ANKS1A: variants seen among roughly 807,000 people sequenced by gnomAD.
ANKS1A encodes ankyrin repeat and sterile alpha motif domain containing 1A.
In ANKS1A, 55 loss-of-function variants were observed where a neutral mutation model predicts 120.3. That is an observed-to-expected ratio of 0.46 (90% CI 0.37 to 0.57). The LOEUF (loss-of-function observed/expected upper bound fraction) is 0.57, where lower values mean the gene tolerates loss of function less well. Ranked by LOEUF, ANKS1A falls within the 20% of genes least tolerant of loss-of-function variation. ANKS1A has a pLI of 0.00. For synonymous variants in ANKS1A, 590 were observed against 604.7 expected (o/e 0.98, Z 0.36); for missense variants, 1,123 against 1,480.3 (o/e 0.76, Z 3.96).
At chr6:35,062,174 T>C (rs1260123513) in intron 13 of ANKS1A, among the ~76,000 whole-genome samples, 1 of 152,206 alleles carries the variant, frequency 6.6e-6, no homozygotes, top group Non-Finnish European at 1.5e-5. Flanking sequence ...AGGACCCTCA[T>C]TGAGGGCGGC....
rs1039994947 is a variant in ANKS1A, at chr6:35,050,425, G to T, written c.2011-3674G>T. Among the ~76,000 whole-genome samples, 4 of 152,116 alleles carry T rather than the reference G, an allele frequency of 2.6e-5. No homozygotes were observed. The highest frequency in any genetic ancestry group is 9.7e-5 in the African/African-American group (4 of 41,430). On this transcript the variant is annotated intron_variant, in intron 11 of 23. Transcript: ENST00000360359. This position sits in a 1 kb window ranked among gnomAD's most constrained non-coding sequence, Gnocchi z 4.3. Reference sequence around the variant, plus strand: ...CATCCAAAACCACAGAAAAAGAGGAGAACACTAAATGGTGCCCGTCCATTA... The same window carrying T: ...CATCCAAAACCACAGAAAAAGAGGATAACACTAAATGGTGCCCGTCCATTA...
chr6:34,891,920 C>T (rs374512303), intron 1 of ANKS1A, among the ~76,000 whole-genome samples: 2 of 152,338 alleles, frequency 1.3e-5, no homozygotes, highest in South Asian at 4.1e-4. Flanking sequence ...AGCCACCTTG[C>T]CCGGCCTCAG....
chr6:35,084,836 T>C lies in ANKS1A; in HGVS notation c.3132+578T>C, dbSNP rs1561968875. On this transcript the variant is annotated intron_variant, in intron 21 of 23. Coordinates refer to ENST00000360359, the MANE Select transcript of ANKS1A (RefSeq NM_015245.3). This position sits in a 1 kb window ranked among gnomAD's most constrained non-coding sequence, Gnocchi z 4.8. ...TGGATGCCACTGGGCCGAGGAGAGT[T>C]CATTCTCACACAGCTGCCCACAGGG... 1.3e-5 allele frequency among the ~76,000 whole-genome samples: 2 copies of C among 152,120 alleles called. No individual in the cohort carries two copies. The highest frequency in any genetic ancestry group is 2.4e-5 in the African/African-American group (1 of 41,424).
At chr6:35,040,382 C>T (rs1775396455) in intron 11 of ANKS1A, among the ~76,000 whole-genome samples, 1 of 152,238 alleles carries the variant, frequency 6.6e-6, no homozygotes, top group African/African-American at 2.4e-5. Flanking sequence ...GTCTTCCTTT[C>T]CTCCATTTCC....
At position 35,060,786 on chromosome 6, in the gene ANKS1A, C is replaced by G. The variant is rs550476890; in HGVS notation, c.2184+533C>G. ...GGATTGGTTGCTTCTTTGAGAAGCT[C>G]TCTCACAAAACACAAAGGGCCAAAA... On this transcript the variant is annotated intron_variant, in intron 13 of 23. Transcript: ENST00000360359. This position sits in a 1 kb window ranked among gnomAD's most constrained non-coding sequence, Gnocchi z 4.5. 2.0e-4 allele frequency among the ~76,000 whole-genome samples: 30 copies of G among 152,266 alleles called. No homozygotes were observed. The highest frequency in any genetic ancestry group is 7.2e-4 in the African/African-American group (30 of 41,536).
At chr6:34,969,929 T>C (rs919409919) in intron 2 of ANKS1A, 81 bp from the exon 3 acceptor site, 1 of 1,503,418 alleles carries the variant, frequency 6.7e-7, no homozygotes, top group Non-Finnish European at 9.0e-7. Context: ...TGAAAGGGCT[T>C]TGTGCCATAT....
intron 1 of ANKS1A, among the ~76,000 whole-genome samples, chr6:34,935,337 T>G (rs752799285): frequency 1.3e-5 from 2 of 152,204 alleles, no homozygotes; most frequent in Non-Finnish European, 2.9e-5. Flanking sequence ...TCCTTCCACC[T>G]CAGCCTCCCA....
At chr6:34,950,623 A>T (rs991105766) in intron 1 of ANKS1A, among the ~76,000 whole-genome samples, 2 of 152,170 alleles carry the variant, frequency 1.3e-5, no homozygotes, top group Non-Finnish European at 2.9e-5. Flanking sequence ...ATAGCCAAGG[A>T]GCAAGGTGAA....
intron 3 of ANKS1A, among the ~76,000 whole-genome samples, chr6:34,976,084 G>A (rs183998979): frequency 7.6e-6 from 1 of 131,986 alleles, no homozygotes; most frequent in East Asian, 2.2e-4. Flanking sequence ...GTTGCAGTGA[G>A]CCAAGGTTAC....
chr6:34,902,286 G>A (rs560466509), intron 1 of ANKS1A, among the ~76,000 whole-genome samples: 7 of 151,398 alleles, frequency 4.6e-5, no homozygotes, highest in Non-Finnish European at 8.8e-5. Context: ...TTTCGCTCTT[G>A]CTGCCCATGC....
intron 10 of ANKS1A, among the ~76,000 whole-genome samples, chr6:34,996,821 C>T (rs1274629914): frequency 6.6e-6 from 1 of 152,122 alleles, no homozygotes. Flanking sequence ...TTAGGTCTTA[C>T]ATTTAAATCT....
intron 1 of ANKS1A, among the ~76,000 whole-genome samples, chr6:34,916,245 G>A (rs981295602): frequency 2.0e-5 from 3 of 151,906 alleles, no homozygotes; most frequent in Non-Finnish European, 2.9e-5. Flanking sequence ...CATCTGCCTC[G>A]GCCTCCTAAA....
chr6:35,055,809 C>T (rs1039792173), intron 12 of ANKS1A, among the ~76,000 whole-genome samples: 8 of 152,164 alleles, frequency 5.3e-5, no homozygotes, highest in Admixed American at 1.3e-4. Context: ...GAGCTTGGTC[C>T]GTTTTCGTCA....
chr6:35,085,858 C>T lies in ANKS1A; in HGVS notation c.3225C>T (p.Gly1075=), dbSNP rs146160816. The T allele has an allele frequency of 5.3e-5, 86 of 1,613,684 alleles. 1 individual carries two copies. Among genetic ancestry groups the T allele is most frequent in the Admixed American group, 1.5e-4 (9 of 59,958 alleles). Residue 1075 remains glycine, a synonymous_variant, in exon 22 of 24, where the codon GGC becomes GGT. Transcript: ENST00000360359. This position sits in a 1 kb window ranked among gnomAD's most constrained non-coding sequence, Gnocchi z 4.7. The part of the protein sequence containing the change: ...ALQAQKSRAT[G]ASAAEMIETK... Reference sequence around the variant, plus strand: ...AGGCCCAGAAGTCCAGGGCGACGGGCGCCTCTGCAGCTGAGATGATTGAAA... The same window carrying T: ...AGGCCCAGAAGTCCAGGGCGACGGGTGCCTCTGCAGCTGAGATGATTGAAA...
At chr6:34,991,645 CACACATATATATACACATATATAT>C (rs1211341394) in intron 9 of ANKS1A, among the ~76,000 whole-genome samples, 1 of 139,028 alleles carries the variant, frequency 7.2e-6, no homozygotes, top group African/African-American at 2.5e-5. Context: ...CATATATACA[CACACATATATATACACATATATAT>C]ACACATATAT....
Position 35,026,105 on chromosome 6 carries a change from T to C in ANKS1A, c.2010+8046T>C, listed in dbSNP as rs753440597. 5.0e-4 allele frequency among the ~76,000 whole-genome samples: 76 copies of C among 152,218 alleles called. 2 individuals carry two copies. The highest frequency in any genetic ancestry group is 1.6e-4 in the Non-Finnish European group (11 of 68,032). ...TGACCTTTATTCCAGTCCATACAAA[T>C]GCTGAGAATCAGAGAAGGAAACATT... On this transcript the variant is annotated intron_variant, in intron 11 of 23. Transcript: ENST00000360359.
At chr6:35,009,129 A>G (rs1395041365) in intron 10 of ANKS1A, among the ~76,000 whole-genome samples, 1 of 152,176 alleles carries the variant, frequency 6.6e-6, no homozygotes, top group Non-Finnish European at 1.5e-5. Flanking sequence ...CTTCACAAAT[A>G]TACAATTGTG....
At chr6:34,957,555 G>C (rs1770434254) in intron 1 of ANKS1A, among the ~76,000 whole-genome samples, 1 of 152,170 alleles carries the variant, frequency 6.6e-6, no homozygotes, top group Admixed American at 6.5e-5. Context: ...GAAAGCCTTT[G>C]GCAGAAAAAG....
rs1776342638 is a variant in ANKS1A at position 35,058,911 on chromosome 6, T to G, written c.2078-1236T>G. Reference sequence around the variant, plus strand: ...GAGCAAATAGATGTCCTCCCTTCCCTGCTCATCCTTAGAGGAGAACGCCAA... The same window carrying G: ...GAGCAAATAGATGTCCTCCCTTCCCGGCTCATCCTTAGAGGAGAACGCCAA... On this transcript the variant is annotated intron_variant, in intron 12 of 23. Transcript: ENST00000360359. The surrounding 1 kb of genome is among the most constrained non-coding windows in gnomAD (Gnocchi z 5.1). 6.6e-6 allele frequency among the ~76,000 whole-genome samples: 1 copy of G among 152,264 alleles called. No individual in the cohort carries two copies. Among genetic ancestry groups the G allele is most frequent in the South Asian group, 2.1e-4 (1 of 4,824 alleles).
Sources: gnomAD v4.1 joint callset for allele counts (sites outside exome capture counted in the v4.1 genomes callset) on GRCh38, gnomAD v4.1.1 for gene constraint, Gnocchi (gnomAD v3.1) non-coding constraint, MANE v1.5 for transcripts, NCBI Gene and HGNC (gene_info 2026-07-23, HGNC 2026-07-21) for gene names.